Variants in LRRC73 observed in about 807,000 individuals in gnomAD.
LRRC73 encodes leucine-rich repeat-containing protein 73.
A neutral mutation model predicts 26.4 loss-of-function variants in LRRC73; 16 were observed. The observed-to-expected ratio is 0.61, with a 90% confidence interval of 0.41 to 0.92. The LOEUF (loss-of-function observed/expected upper bound fraction) is 0.92. LRRC73 is among the 40% of genes least tolerant of loss of function. The probability of loss-of-function intolerance (pLI) is 0.00; values close to 1 mark genes in which losing one functional copy is unlikely to be tolerated. For synonymous variants in LRRC73, 210 were observed against 179.8 expected (o/e 1.17, Z -1.34); for missense variants, 344 against 416.3 (o/e 0.83, Z 1.51).
chr6:43,510,272 G>T lies in LRRC73; in HGVS notation c.-487C>A, dbSNP rs571139477. On this transcript the variant is annotated 5_prime_UTR_variant, in exon 1 of 6. Transcript: ENST00000372441. ...CCGCCCGGCTCCCCCCGACCACCCC[G>T]CGGGCCTGGCCGCACGGCTGGCAGA... The T allele has an allele frequency of 2.8e-3, 423 of 153,458 alleles. 2 individuals are homozygous for T. The highest frequency in any genetic ancestry group is 9.3e-3 in the African/African-American group (388 of 41,564). 9.5% of individuals were successfully genotyped at this position (153,458 alleles called of 1,614,324 possible). A position where few individuals can be genotyped will look rare whatever the true frequency, so the allele number is the denominator to read the frequency against.
At position 43,508,288 on chromosome 6, in the gene LRRC73, T is replaced by G. The variant is rs747252984; in HGVS notation, c.556+10A>C. The G allele has an allele frequency of 6.2e-7, 1 of 1,607,136 alleles. No homozygotes were observed. Among genetic ancestry groups the G allele is most frequent in the South Asian group, 1.1e-5 (1 of 90,252 alleles). On this transcript the variant is annotated intron_variant, in intron 3 of 5. Coordinates refer to ENST00000372441, the Ensembl canonical transcript of LRRC73. ...CAGTGACAGCCCAAGGGGGTATTCT[T>G]GAGCCTCACCCAGGGGGTTGTAATC... is the stretch of plus-strand genomic sequence containing the variant.
chr6:43,509,847 G>C, exon 1 of LRRC73: 1 of 1,390,434 alleles, frequency 7.2e-7, no homozygotes, highest in African/African-American at 1.5e-5. Context: ...GCCGCGGGCG[G>C]GGCCGGGGAT....
At chr6:43,507,708 G>A in intron 4 of LRRC73, 30 bp from the exon 5 acceptor site, 3 of 1,609,258 alleles carry the variant, frequency 1.9e-6, no homozygotes, top group Non-Finnish European at 2.6e-6. Flanking sequence ...GGAAAAGGAT[G>A]AACACAGTTA....
chr6:43,508,800 G>A (rs751892843), exon 2 of LRRC73: 1 of 1,613,054 alleles, frequency 6.2e-7, no homozygotes, highest in Non-Finnish European at 8.5e-7. Flanking sequence ...CACAGATGAG[G>A]TTGATGGCTT....
At chr6:43,509,458 G>C in intron 1 of LRRC73, 56 bp downstream of exon 1, 2 of 1,544,166 alleles carry the variant, frequency 1.3e-6, no homozygotes, top group Non-Finnish European at 1.7e-6. Flanking sequence ...GAGGTGCCAG[G>C]GGAGTGTATG....
chr6:43,509,500 G>A lies in LRRC73; in HGVS notation c.272+14C>T, dbSNP rs1792601273. On this transcript the variant is annotated intron_variant, in intron 1 of 5. Transcript: ENST00000372441. The stretch of plus-strand genomic sequence containing the variant: ...TGCAGTGCCCGGGACCCCCTTGCGA[G>A]GGGGCGCACTCACAAGAGGGACTGG... 2.5e-6 allele frequency: 4 copies of A among 1,592,782 alleles called. No homozygotes were observed. The highest frequency in any genetic ancestry group is 1.1e-5 in the South Asian group (1 of 89,260).
chr6:43,508,049 G>T, intron 3 of LRRC73, 123 bp from the exon 4 acceptor site: 1 of 1,036,370 alleles, frequency 9.6e-7, no homozygotes, highest in Non-Finnish European at 1.4e-6. Context: ...GACAATTGGT[G>T]GTGGTCAGGA....
intron 2 of LRRC73, 123 bp downstream of exon 2, chr6:43,508,636 TG>T: frequency 2.1e-6 from 3 of 1,438,706 alleles, no homozygotes; most frequent in Non-Finnish European, 2.8e-6. Context: ...TGCCCCTTCC[TG>T]AGAGGAGTAG....
chr6:43,509,371 G>T, intron 1 of LRRC73, 143 bp downstream of exon 1: 1 of 1,084,158 alleles, frequency 9.2e-7, no homozygotes, highest in Non-Finnish European at 1.3e-6. Context: ...GTGCTGTGAA[G>T]GCATGGGCCG....
chr6:43,509,496 G>C lies in LRRC73; in HGVS notation c.272+18C>G. On this transcript the variant is annotated intron_variant, in intron 1 of 5. Coordinates refer to ENST00000372441, the Ensembl canonical transcript of LRRC73. ...AGGGTGCAGTGCCCGGGACCCCCTT[G>C]CGAGGGGGCGCACTCACAAGAGGGA... is the stretch of plus-strand genomic sequence containing the variant. 2 of 1,591,424 alleles carry C rather than the reference G, an allele frequency of 1.3e-6. No homozygotes were observed. Among genetic ancestry groups the C allele is most frequent in the South Asian group, 1.1e-5 (1 of 88,882 alleles).
At chr6:43,508,130 T>C (rs1792558248) in intron 3 of LRRC73, among the ~76,000 whole-genome samples, 168 bp downstream of exon 3, 1 of 152,124 alleles carries the variant, frequency 6.6e-6, no homozygotes, top group Non-Finnish European at 1.5e-5. Context: ...GATGTTTTGA[T>C]CTATTTGTTG....
chr6:43,507,931 G>T lies in LRRC73; in HGVS notation c.557-5C>A. On this transcript the variant is annotated splice_region_variant and splice_polypyrimidine_tract_variant and intron_variant, in intron 3 of 5. Coordinates refer to ENST00000372441, the Ensembl canonical transcript of LRRC73. ...GCATTCCTGCCACATGGTCACCTGG[G>T]GAGACAACACACGTGCACACATTCA... 6.2e-7 allele frequency: 1 copy of T among 1,613,190 alleles called. No homozygotes were observed. The highest frequency in any genetic ancestry group is 8.5e-7 in the Non-Finnish European group (1 of 1,179,424).
chr6:43,508,363 C>T (rs375969127), exon 3 of LRRC73: 2 of 1,613,654 alleles, frequency 1.2e-6, no homozygotes, highest in South Asian at 1.1e-5. Flanking sequence ...AATGGCAAGG[C>T]GGCTCCAGCC....
chr6:43,508,651 G>A, intron 2 of LRRC73, 109 bp downstream of exon 2: 1 of 1,462,272 alleles, frequency 6.8e-7, no homozygotes. Context: ...GGAGTAGAAA[G>A]ATGTTCTCGC....
Position 43,509,445 on chromosome 6 carries a change from C to A in LRRC73, c.272+69G>T, listed in dbSNP as rs1792599748. 2.0e-6 allele frequency: 3 copies of A among 1,512,836 alleles called. No homozygotes were observed. The East Asian group carries it at 6.9e-5, about 35-fold the overall frequency. 93.7% of individuals were successfully genotyped at this position (1,512,836 alleles called of 1,614,324 possible). The stretch of plus-strand genomic sequence containing the variant: ...TGGTACTGGAAGGAGTGTGGAGGAA[C>A]AGGAGGTGCCAGGGGAGTGTATGGA... On this transcript the variant is annotated intron_variant, in intron 1 of 5. Transcript: ENST00000372441.
exon 1 of LRRC73, chr6:43,509,671 G>C: frequency 6.3e-7 from 1 of 1,593,620 alleles, no homozygotes; most frequent in Non-Finnish European, 8.5e-7. Flanking sequence ...TCGCAGAGGC[G>C]GCAGCCGCGC....
intron 5 of LRRC73, 56 bp from the exon 6 acceptor site, chr6:43,507,364 C>G (rs1792524296): frequency 3.1e-6 from 5 of 1,610,430 alleles, no homozygotes; most frequent in Non-Finnish European, 4.2e-6. Flanking sequence ...ATGGGGACCA[C>G]AGATAGGTGA....
At chr6:43,509,738 G>A in exon 1 of LRRC73, 1 of 1,588,506 alleles carries the variant, frequency 6.3e-7, no homozygotes, top group Non-Finnish European at 8.5e-7. Flanking sequence ...CCCGCACCTC[G>A]GCGCCGGACA....
At chr6:43,507,098 A>C in exon 6 of LRRC73, 2 of 841,568 alleles carry the variant, frequency 2.4e-6, no homozygotes, top group East Asian at 5.3e-5. Context: ...CCTTCCCACC[A>C]CACTGCCAGG....
Sources: allele counts gnomAD v4.1 joint callset (sites outside exome capture counted in the v4.1 genomes callset), GRCh38; gene constraint gnomAD v4.1.1; transcripts MANE v1.5; gene names NCBI Gene and HGNC (gene_info 2026-07-23, HGNC 2026-07-21).